SLC39A11: variants seen among roughly 807,000 people sequenced by gnomAD.
The protein encoded by SLC39A11 is zinc transporter ZIP11.
Under a neutral mutation model 36.1 loss-of-function variants are expected in SLC39A11, and 33 were observed. The ratio of observed to expected loss-of-function variants is 0.91; its 90% CI spans 0.69 to 1.22. The LOEUF is 1.22. Among genes scored for constraint, SLC39A11 ranks in the 50% most tolerant of loss-of-function variants. SLC39A11 has a pLI of 0.00. For missense variants in SLC39A11, 432 were observed against 430.3 expected (o/e 1.00, Z -0.03); for synonymous variants, 166 against 170.3 (o/e 0.97, Z 0.20).
chr17:72,831,325 G>A (rs1200600455), intron 6 of SLC39A11, among the ~76,000 whole-genome samples: 1 of 152,228 alleles, frequency 6.6e-6, no homozygotes, highest in Non-Finnish European at 1.5e-5. Context: ...GAATTTGGAA[G>A]TGGAAGGAGC....
intron 6 of SLC39A11, among the ~76,000 whole-genome samples, chr17:72,742,186 G>C (rs2074737458): frequency 1.6e-5 from 2 of 128,152 alleles, no homozygotes; most frequent in African/African-American, 3.1e-5. Flanking sequence ...CTGGGCGACA[G>C]TGTGAGACTC....
chr17:72,648,558 G>A (rs2143823776), intron 9 of SLC39A11, among the ~76,000 whole-genome samples: 1 of 152,124 alleles, frequency 6.6e-6, no homozygotes, highest in African/African-American at 2.4e-5. Context: ...CTGCATCAAG[G>A]GACGGGGGGC....
At chr17:73,043,279 A>G (rs2059168536) in intron 3 of SLC39A11, among the ~76,000 whole-genome samples, 1 of 152,194 alleles carries the variant, frequency 6.6e-6, no homozygotes, top group Non-Finnish European at 1.5e-5. Context: ...TGGAGTCCAC[A>G]AGGCGAAAGA....
At chr17:72,729,450 TATATATA>T (rs1457874026) in intron 7 of SLC39A11, among the ~76,000 whole-genome samples, 4 of 11,702 alleles carry the variant, frequency 3.4e-4, no homozygotes, top group Admixed American at 1.4e-3. Context: ...TATATATATA[TATATATA>T]TTTTTTTTTT....
intron 7 of SLC39A11, among the ~76,000 whole-genome samples, chr17:72,688,810 A>G (rs74732895): frequency 6.6e-6 from 1 of 152,322 alleles, no homozygotes; most frequent in African/African-American, 2.4e-5. Context: ...GGGTCCAAGA[A>G]GAGGTGAGAA....
At chr17:72,722,659 G>C (rs1015362516) in intron 7 of SLC39A11, among the ~76,000 whole-genome samples, 3 of 151,726 alleles carry the variant, frequency 2.0e-5, no homozygotes, top group African/African-American at 7.3e-5. Flanking sequence ...TTTTGAGACA[G>C]AGTCTCGCTC....
At chr17:72,835,985 G>A (rs1201487511) in intron 6 of SLC39A11, among the ~76,000 whole-genome samples, 1 of 152,140 alleles carries the variant, frequency 6.6e-6, no homozygotes, top group Non-Finnish European at 1.5e-5. Context: ...CATCAGTGGT[G>A]GTGATAGGTG....
At chr17:72,840,628 G>A (rs1451789906) in intron 6 of SLC39A11, among the ~76,000 whole-genome samples, 1 of 152,196 alleles carries the variant, frequency 6.6e-6, no homozygotes, top group African/African-American at 2.4e-5. Flanking sequence ...GCGTGGTGGT[G>A]GGTGCCTGTA....
intron 5 of SLC39A11, among the ~76,000 whole-genome samples, chr17:72,890,067 C>T (rs1346140139): frequency 6.6e-6 from 1 of 151,868 alleles, no homozygotes; most frequent in African/African-American, 2.4e-5. Flanking sequence ...CAAAACCAGC[C>T]TGGCCAACAT....
chr17:73,031,065 C>T (rs1456388685), intron 4 of SLC39A11, among the ~76,000 whole-genome samples: 1 of 152,164 alleles, frequency 6.6e-6, no homozygotes, highest in African/African-American at 2.4e-5. Flanking sequence ...CAGGGATATA[C>T]AATCAGTAAA....
At chr17:72,978,486 G>T (rs907662383) in intron 4 of SLC39A11, among the ~76,000 whole-genome samples, 1 of 152,184 alleles carries the variant, frequency 6.6e-6, no homozygotes, top group Non-Finnish European at 1.5e-5. Flanking sequence ...CGCACATTGT[G>T]GGGGGTCAGG....
At chr17:72,937,274 C>T (rs1292640239) in intron 5 of SLC39A11, among the ~76,000 whole-genome samples, 1 of 152,038 alleles carries the variant, frequency 6.6e-6, no homozygotes, top group African/African-American at 2.4e-5. Context: ...AACCACCCCC[C>T]TCCCTGGTAT....
chr17:72,798,022 T>G (rs1360624045), intron 6 of SLC39A11, among the ~76,000 whole-genome samples: 1 of 152,022 alleles, frequency 6.6e-6, no homozygotes, highest in African/African-American at 2.4e-5. Context: ...ACCACAGACT[T>G]AGTGAGTGCA....
chr17:72,936,147 G>A (rs1161999523), intron 5 of SLC39A11, among the ~76,000 whole-genome samples: 2 of 152,032 alleles, frequency 1.3e-5, no homozygotes, highest in African/African-American at 2.4e-5. Context: ...GTGGTGAGCC[G>A]AGATCACGTC....
intron 6 of SLC39A11, among the ~76,000 whole-genome samples, chr17:72,836,496 A>G (rs1019473753): frequency 1.3e-5 from 2 of 152,044 alleles, no homozygotes; most frequent in African/African-American, 2.4e-5. Context: ...ACGCGCCACC[A>G]TACCCCACTA....
chr17:72,901,500 C>G (rs1314228904), intron 5 of SLC39A11, among the ~76,000 whole-genome samples: 2 of 152,140 alleles, frequency 1.3e-5, no homozygotes, highest in Non-Finnish European at 2.9e-5. Context: ...GATGAAAACA[C>G]CCACCTGGAT....
intron 7 of SLC39A11, among the ~76,000 whole-genome samples, chr17:72,701,369 G>A (rs1472624972): frequency 6.6e-6 from 1 of 152,172 alleles, no homozygotes; most frequent in Non-Finnish European, 1.5e-5. Flanking sequence ...GTGTGGCGAT[G>A]CTAAGCAGGA....
chr17:73,081,851 TC>T (rs1490288690), intron 3 of SLC39A11, among the ~76,000 whole-genome samples: 2 of 149,460 alleles, frequency 1.3e-5, no homozygotes, highest in Non-Finnish European at 1.5e-5. Context: ...AATTCATTAT[TC>T]TATGTGAAGT....
chr17:72,691,699 C>A (rs1445298763), intron 7 of SLC39A11, among the ~76,000 whole-genome samples: 1 of 152,170 alleles, frequency 6.6e-6, no homozygotes, highest in Non-Finnish European at 1.5e-5. Flanking sequence ...AATAAAAATA[C>A]AGCTTGTGCA....
Sources: allele counts gnomAD v4.1 joint callset (sites outside exome capture counted in the v4.1 genomes callset), GRCh38; gene constraint gnomAD v4.1.1; transcripts MANE v1.5; gene names NCBI Gene and HGNC (gene_info 2026-07-23, HGNC 2026-07-21).